MYO16: variants seen among roughly 807,000 people sequenced by gnomAD.
MYO16 encodes unconventional myosin-XVI.
In MYO16, 94 loss-of-function variants were observed where a neutral mutation model predicts 205.3. That is an observed-to-expected ratio of 0.46 (90% CI 0.39 to 0.54). The LOEUF (loss-of-function observed/expected upper bound fraction) is 0.54, where lower values mean the gene tolerates loss of function less well. Among genes scored for constraint, MYO16 ranks in the 20% least tolerant of loss-of-function variants. MYO16 has a pLI of 0.00. For missense variants in MYO16, 2,315 were observed against 2,387.5 expected, an observed-to-expected ratio of 0.97 and a Z score of 0.63; for synonymous variants, 988 against 954.0, an observed-to-expected ratio of 1.04 and a Z score of -0.66.
Position 108,888,246 on chromosome 13 carries a change from G to T in MYO16, c.1554-126G>T, listed in dbSNP as rs143326751. On this transcript the variant is annotated intron_variant, in intron 13 of 34. Coordinates refer to ENST00000457511, the MANE Select transcript of MYO16 (RefSeq NM_001198950.3). ...GATGTGCCATTCCCTCCTCATTTCTGTGTCTGAGAAATATCTCCAGTTAAT... is the reference window on the plus strand; with the variant it reads ...GATGTGCCATTCCCTCCTCATTTCTTTGTCTGAGAAATATCTCCAGTTAAT... The T allele has an allele frequency of 9.9e-6, 6 of 603,096 alleles. No individual in the cohort carries two copies. In the South Asian group the frequency reaches 1.5e-4, roughly 15 times the overall value. The allele number at this position is 603,096 out of a possible 1,614,324, so 37.4% of individuals were successfully genotyped here.
chr13:109,059,342 A>G (rs1887512023), intron 27 of MYO16, among the ~76,000 whole-genome samples: 2 of 152,160 alleles, frequency 1.3e-5, no homozygotes, highest in Non-Finnish European at 2.9e-5. Context: ...TCCTTGATCC[A>G]TGGGCTGCTG....
chr13:108,758,564 T>C (rs977200052), intron 4 of MYO16, among the ~76,000 whole-genome samples: 16 of 152,192 alleles, frequency 1.1e-4, no homozygotes, highest in African/African-American at 2.9e-4. Context: ...GAAATGCTGG[T>C]CTTTCAATTT....
At chr13:108,729,864 T>C (rs1884466482) in intron 4 of MYO16, among the ~76,000 whole-genome samples, 1 of 152,216 alleles carries the variant, frequency 6.6e-6, no homozygotes, top group Non-Finnish European at 1.5e-5. Flanking sequence ...TAGTCTCTAC[T>C]GAGTCTAGAT....
At chr13:108,911,851 A>G (rs9514942) in intron 16 of MYO16, among the ~76,000 whole-genome samples, 151,096 of 152,288 alleles carry the variant, frequency 0.99, 74,968 homozygotes, top group Middle Eastern at 1. Flanking sequence ...TAGGAAGGTC[A>G]GGATTGAAGG....
chr13:108,590,684 T>C, the MYO16 span, among the ~76,000 whole-genome samples: 1 of 151,738 alleles, frequency 6.6e-6, no homozygotes, highest in Non-Finnish European at 1.5e-5. Flanking sequence ...GACACAAGGG[T>C]ACAGAAGACA....
intron 2 of MYO16, among the ~76,000 whole-genome samples, chr13:108,712,241 G>A (rs1296837913): frequency 7.2e-5 from 11 of 152,152 alleles, no homozygotes. Flanking sequence ...ATGTGCAAAA[G>A]TAAACTTTTA....
intron 4 of MYO16, among the ~76,000 whole-genome samples, chr13:108,778,084 G>C (rs9521037): frequency 0.34 from 51,618 of 152,016 alleles, 9,970 homozygotes; most frequent in East Asian, 0.63. Flanking sequence ...GCGGCCTCCT[G>C]CAGAGTCCTA....
Position 108,642,521 on chromosome 13 carries a change from G to A in MYO16, c.28+12649G>A, listed in dbSNP as rs143045294. 2.1e-3 allele frequency among the ~76,000 whole-genome samples: 314 copies of A among 152,142 alleles called. 2 individuals are homozygous for A. The highest frequency in any genetic ancestry group is 7.1e-3 in the African/African-American group (295 of 41,514). ...GGAGTGGCGTGACCTTGGTTCAAGC[G>A]ATTGTCATGCCTCAGCCTCCCGAGT... is the stretch of plus-strand genomic sequence containing the variant. On this transcript the variant is annotated intron_variant, in intron 1 of 34. Coordinates refer to ENST00000457511, the MANE Select transcript of MYO16 (RefSeq NM_001198950.3).
intron 2 of MYO16, among the ~76,000 whole-genome samples, chr13:108,674,917 C>T (rs944105503): frequency 2.0e-5 from 3 of 152,202 alleles, no homozygotes; most frequent in Non-Finnish European, 1.5e-5. Context: ...AGCAAAAACA[C>T]ATTGACAACA....
At chr13:108,746,942 AG>A (rs147873244) in intron 4 of MYO16, among the ~76,000 whole-genome samples, 4,939 of 152,298 alleles carry the variant, frequency 0.032, 251 homozygotes, top group African/African-American at 0.11. Context: ...AGAAGAAAAA[AG>A]ATAAGAATCA....
chr13:108,884,665 G>C (rs1168789658), intron 13 of MYO16, among the ~76,000 whole-genome samples: 1 of 151,886 alleles, frequency 6.6e-6, no homozygotes, highest in Admixed American at 6.6e-5. Flanking sequence ...ACAAGGATGA[G>C]AAAGGCACCG....
At chr13:108,598,359 C>A (rs999206014) in intron 1 of MYO16, among the ~76,000 whole-genome samples, 5 of 152,080 alleles carry the variant, frequency 3.3e-5, no homozygotes, top group African/African-American at 1.2e-4. Flanking sequence ...AAACTTCTCA[C>A]CTCTAATACA....
chr13:108,962,903 C>T (rs1214283142), intron 19 of MYO16, among the ~76,000 whole-genome samples: 1 of 152,200 alleles, frequency 6.6e-6, no homozygotes, highest in Non-Finnish European at 1.5e-5. Context: ...GTGCCAAGTC[C>T]TATAAAAATT....
chr13:108,506,506 A>T, the MYO16 span, among the ~76,000 whole-genome samples: 1 of 151,942 alleles, frequency 6.6e-6, no homozygotes, highest in East Asian at 1.9e-4. Flanking sequence ...TTGCATGTCA[A>T]TTCTGGATCC....
At chr13:108,542,345 GA>G in the MYO16 span, among the ~76,000 whole-genome samples, 1 of 150,800 alleles carries the variant, frequency 6.6e-6, no homozygotes, top group Non-Finnish European at 1.5e-5. Context: ...GAGAAGTTTA[GA>G]AAAAAAAACT....
intron 6 of MYO16, among the ~76,000 whole-genome samples, chr13:108,797,303 G>A (rs1378367845): frequency 6.6e-6 from 1 of 152,196 alleles, no homozygotes; most frequent in Non-Finnish European, 1.5e-5. Flanking sequence ...CAGATCTCTA[G>A]ATGAAAGAAA....
chr13:108,781,685 C>T (rs144835230), intron 4 of MYO16, among the ~76,000 whole-genome samples: 55 of 149,874 alleles, frequency 3.7e-4, no homozygotes, highest in African/African-American at 1.2e-3. Flanking sequence ...TGTGTCCCCA[C>T]CCAAATCTCA....
intron 12 of MYO16, among the ~76,000 whole-genome samples, chr13:108,878,909 A>G (rs1879461017): frequency 6.6e-6 from 1 of 152,232 alleles, no homozygotes; most frequent in Non-Finnish European, 1.5e-5. Context: ...ACCAACATGT[A>G]GGGTTGCACT....
At chr13:108,885,044 A>T (rs1879801639) in intron 13 of MYO16, among the ~76,000 whole-genome samples, 1 of 152,002 alleles carries the variant, frequency 6.6e-6, no homozygotes, top group African/African-American at 2.4e-5. Context: ...AGACACGAGG[A>T]TGAGAAAGGC....
Sources: gnomAD v4.1 joint callset for allele counts (sites outside exome capture counted in the v4.1 genomes callset) on GRCh38, gnomAD v4.1.1 for gene constraint, MANE v1.5 for transcripts, NCBI Gene and HGNC (gene_info 2026-07-23, HGNC 2026-07-21) for gene names.